Variants in RASGRF1 observed in about 807,000 individuals in gnomAD.
The protein encoded by RASGRF1 is ras-specific guanine nucleotide-releasing factor 1.
Under a neutral mutation model 138.7 loss-of-function variants are expected in RASGRF1, and 40 were observed. The ratio of observed to expected loss-of-function variants is 0.29; its 90% CI spans 0.22 to 0.38. RASGRF1 has a LOEUF of 0.38. RASGRF1 is among the 10% of genes least tolerant of loss of function. RASGRF1 has a pLI of 1.00. For missense variants in RASGRF1, 1,108 were observed against 1,650.4 expected (o/e 0.67, Z 5.69); for synonymous variants, 614 against 663.2 (o/e 0.93, Z 1.14).
intron 1 of RASGRF1, among the ~76,000 whole-genome samples, chr15:79,082,132 C>A (rs1459417887): frequency 6.6e-6 from 1 of 152,210 alleles, no homozygotes; most frequent in East Asian, 1.9e-4. Context: ...TTTCTGGCTG[C>A]AGAGAGGCCA....
At chr15:79,019,288 G>A (rs2056924942) in intron 11 of RASGRF1, among the ~76,000 whole-genome samples, 1 of 152,138 alleles carries the variant, frequency 6.6e-6, no homozygotes, top group African/African-American at 2.4e-5. Context: ...CAGTGAAGAA[G>A]GGAAATGAGT....
intron 22 of RASGRF1, among the ~76,000 whole-genome samples, chr15:78,987,847 G>A (rs941781636): frequency 7.2e-5 from 11 of 152,152 alleles, no homozygotes; most frequent in Non-Finnish European, 1.0e-4. Flanking sequence ...GCAGAAGGGC[G>A]AGTAGCTCCT....
intron 1 of RASGRF1, among the ~76,000 whole-genome samples, chr15:79,076,233 A>T (rs533662556): frequency 6.6e-6 from 1 of 151,940 alleles, no homozygotes; most frequent in South Asian, 2.1e-4. Flanking sequence ...ATGTCTGGGA[A>T]CTTAAAGAAG....
chr15:79,082,224 C>A (rs777261864), intron 1 of RASGRF1, among the ~76,000 whole-genome samples: 1 of 152,208 alleles, frequency 6.6e-6, no homozygotes, highest in East Asian at 1.9e-4. Context: ...GCCTTTCTGG[C>A]GCTCTGTGTC....
intron 12 of RASGRF1, among the ~76,000 whole-genome samples, chr15:79,017,168 A>G (rs953914356): frequency 1.3e-5 from 2 of 152,222 alleles, no homozygotes; most frequent in Non-Finnish European, 2.9e-5. Flanking sequence ...TGGTGCCTGG[A>G]AAAGTCTGTG....
intron 1 of RASGRF1, among the ~76,000 whole-genome samples, chr15:79,088,401 T>C (rs1352383183): frequency 6.6e-6 from 1 of 152,154 alleles, no homozygotes; most frequent in Non-Finnish European, 1.5e-5. Context: ...CCCAGAAAGG[T>C]AGGTGTTATT....
intron 5 of RASGRF1, 62 bp from the exon 6 acceptor site, chr15:79,035,272 T>C: frequency 2.8e-6 from 4 of 1,413,424 alleles, no homozygotes; most frequent in Admixed American, 3.9e-5. Context: ...CAGAGGTGAC[T>C]GTCCCCAAAC....
Position 79,006,333 on chromosome 15 carries a change from A to G in RASGRF1, c.1928T>C (p.Leu643Pro). Residue 643 changes from leucine to proline, a missense_variant, in exon 14 of 27, where the codon CTG becomes CCG. By Grantham distance (98) the Leu-to-Pro change is moderately conservative (BLOSUM62 -3). Around this residue, in one of 3 missense-constraint regions of RASGRF1, gnomAD observed 686 missense variants for 976.7 expected, o/e 0.70. Coordinates refer to ENST00000558480, the MANE Select transcript of RASGRF1 (RefSeq NM_001145648.3). This position sits in a 1 kb window ranked among gnomAD's most constrained non-coding sequence, Gnocchi z 4.0. ...LQIRYASVER[L>P]LERLTDLRFL... ...GCGCAGGTCCGTCAGCCTCTCCAGC[A>G]GCCGCTCCACACTGGCGTAGCGGAT... The G allele has an allele frequency of 6.2e-7, 1 of 1,614,214 alleles. No individual in the cohort carries two copies. Among genetic ancestry groups the G allele is most frequent in the Non-Finnish European group, 8.5e-7 (1 of 1,180,038 alleles).
At chr15:79,030,060 C>T (rs948454074) in intron 8 of RASGRF1, among the ~76,000 whole-genome samples, 4 of 152,134 alleles carry the variant, frequency 2.6e-5, no homozygotes, top group African/African-American at 4.8e-5. Context: ...TTGGTGGTTT[C>T]GTTACTCTGC....
In RASGRF1 at chr15:79,090,216, G is replaced by C. The variant is rs762565141; in HGVS notation, c.276+7C>G. 8.8e-6 allele frequency: 14 copies of C among 1,596,326 alleles called. No homozygotes were observed. The highest frequency in any genetic ancestry group is 1.2e-5 in the Non-Finnish European group (14 of 1,174,274). ...GCAGGGAGGTCAGGACGCGACGCTCGCCTCACCTGTTTCTCCAGCGGCTCC... is the reference window on the plus strand; with the variant it reads ...GCAGGGAGGTCAGGACGCGACGCTCCCCTCACCTGTTTCTCCAGCGGCTCC... On this transcript the variant is annotated splice_region_variant and intron_variant, in intron 1 of 26. Coordinates refer to ENST00000558480, the MANE Select transcript of RASGRF1 (RefSeq NM_001145648.3).
At chr15:78,988,481 T>A (rs1203710481) in intron 22 of RASGRF1, among the ~76,000 whole-genome samples, 1 of 152,234 alleles carries the variant, frequency 6.6e-6, no homozygotes, top group Non-Finnish European at 1.5e-5. Flanking sequence ...GCTGCTGTGC[T>A]CACTGCAGGA....
At position 78,959,982 on chromosome 15, in the gene RASGRF1, T is replaced by C. The variant is rs1425394785; in HGVS notation, c.*2162A>G. 1 of 152,198 alleles carries C rather than the reference T, an allele frequency of 6.6e-6. No homozygotes were observed. Among genetic ancestry groups the C allele is most frequent in the Non-Finnish European group, 1.5e-5 (1 of 68,034 alleles). 9.4% of individuals were successfully genotyped at this position (152,198 alleles called of 1,614,324 possible). On this transcript the variant is annotated 3_prime_UTR_variant, in exon 27 of 27. Coordinates refer to ENST00000558480, the MANE Select transcript of RASGRF1 (RefSeq NM_001145648.3). ...TAATTCATTTAATTCTACTCTGTAA[T>C]GAGATACCATTTTCATCCCCATTTT...
intron 22 of RASGRF1, among the ~76,000 whole-genome samples, chr15:78,988,330 T>C (rs1413551789): frequency 1.3e-5 from 2 of 152,214 alleles, no homozygotes; most frequent in African/African-American, 4.8e-5. Flanking sequence ...GGGCACACAG[T>C]GGGACAGGGA....
chr15:79,057,608 C>A (rs2057527813), intron 3 of RASGRF1, among the ~76,000 whole-genome samples: 1 of 152,174 alleles, frequency 6.6e-6, no homozygotes. Context: ...GGGTTGATAG[C>A]TGGTGAGGGG....
chr15:79,023,236 G>A (rs932690733), intron 10 of RASGRF1, among the ~76,000 whole-genome samples: 1 of 151,910 alleles, frequency 6.6e-6, no homozygotes, highest in Non-Finnish European at 1.5e-5. Context: ...AGGCTTCCAA[G>A]GTGATGAATG....
chr15:79,011,093 T>G (rs1031603612), intron 13 of RASGRF1, among the ~76,000 whole-genome samples: 4 of 152,092 alleles, frequency 2.6e-5, no homozygotes, highest in Non-Finnish European at 2.9e-5. Context: ...TTTCTCCAGC[T>G]AGGCTATCCG....
chr15:78,999,406 A>G (rs1407925149), intron 17 of RASGRF1, among the ~76,000 whole-genome samples: 3 of 152,124 alleles, frequency 2.0e-5, no homozygotes, highest in Non-Finnish European at 4.4e-5. Flanking sequence ...CTAGATGTGC[A>G]GTGGCCCTGG....
chr15:79,058,686 G>A (rs757981932), intron 2 of RASGRF1, among the ~76,000 whole-genome samples: 1 of 152,200 alleles, frequency 6.6e-6, no homozygotes, highest in African/African-American at 2.4e-5. Flanking sequence ...AAGGCGGGGC[G>A]GTGGGCCCGA....
At chr15:79,012,578 T>C (rs371371357) in intron 13 of RASGRF1, 2 of 1,612,002 alleles carry the variant, frequency 1.2e-6, no homozygotes, top group Non-Finnish European at 1.7e-6. Flanking sequence ...TCCTTGAAGT[T>C]GTAAGTTTAA....
Sources: gnomAD v4.1 joint callset for allele counts (sites outside exome capture counted in the v4.1 genomes callset) on GRCh38, gnomAD v4.1.1 for gene constraint, gnomAD v4.1.1 regional missense constraint, Gnocchi (gnomAD v3.1) non-coding constraint, MANE v1.5 for transcripts, NCBI Gene and HGNC (gene_info 2026-07-23, HGNC 2026-07-21) for gene names.